Variants in ZNF536 observed in about 807,000 individuals in gnomAD.
ZNF536 encodes the protein zinc finger protein 536.
ZNF536 carries 13 observed loss-of-function variants against 84.5 expected under a neutral mutation model. That is an observed-to-expected ratio of 0.15 (90% CI 0.10 to 0.24). ZNF536 has a LOEUF of 0.24. Ranked by LOEUF, ZNF536 falls within the 10% of genes least tolerant of loss-of-function variation. The pLI is 1.00. For synonymous variants in ZNF536, 811 were observed against 742.5 expected, an observed-to-expected ratio of 1.09 and a Z score of -1.50; for missense variants, 1,536 against 1,747.5, an observed-to-expected ratio of 0.88 and a Z score of 2.16.
chr19:30,263,343 A>G (rs1164708048), intron 1 of ZNF536, among the ~76,000 whole-genome samples: 2 of 152,060 alleles, frequency 1.3e-5, no homozygotes, highest in Non-Finnish European at 2.9e-5. Context: ...GCCCCTACAG[A>G]AGCCACACTG....
At chr19:30,439,853 T>TTA (rs2051934738) in intron 1 of ZNF536, among the ~76,000 whole-genome samples, 1 of 152,068 alleles carries the variant, frequency 6.6e-6, no homozygotes, top group Non-Finnish European at 1.5e-5. Context: ...TCAGGGGTGG[T>TTA]CCAAGCCTGG....
intron 1 of ZNF536, among the ~76,000 whole-genome samples, chr19:30,257,759 C>T (rs73023626): frequency 0.021 from 3,168 of 152,310 alleles, 38 homozygotes; most frequent in Middle Eastern, 0.044. Context: ...GTAAGGCCAG[C>T]GTACCTTCAG....
chr19:30,646,696 C>T (rs936584913), intron 1 of ZNF536, among the ~76,000 whole-genome samples: 6 of 152,120 alleles, frequency 3.9e-5, no homozygotes, highest in Admixed American at 1.3e-4. Context: ...GTCGCAGTCT[C>T]GTAGTATTTG....
At chr19:30,594,058 G>C (rs1375198124) in intron 1 of ZNF536, among the ~76,000 whole-genome samples, 1 of 152,188 alleles carries the variant, frequency 6.6e-6, no homozygotes, top group Non-Finnish European at 1.5e-5. Context: ...GGGCTACCAA[G>C]AGCTGCACTG....
At chr19:30,496,508 T>G (rs2054725499) in intron 2 of ZNF536, among the ~76,000 whole-genome samples, 1 of 152,178 alleles carries the variant, frequency 6.6e-6, no homozygotes, top group Non-Finnish European at 1.5e-5. Context: ...AGCAGTGAGC[T>G]GAGATTTAAT....
intron 1 of ZNF536, among the ~76,000 whole-genome samples, chr19:30,413,457 T>C (rs2050581913): frequency 6.6e-6 from 1 of 152,208 alleles, no homozygotes; most frequent in South Asian, 2.1e-4. Flanking sequence ...GAACAGGTAT[T>C]TAATAAGATT....
intron 1 of ZNF536, among the ~76,000 whole-genome samples, chr19:30,432,453 G>A (rs2051516933): frequency 6.6e-6 from 1 of 152,076 alleles, no homozygotes; most frequent in African/African-American, 2.4e-5. Flanking sequence ...AGGTTTCCTG[G>A]AGCACGTGAA....
Position 30,573,174 on chromosome 19 carries a change from G to A in ZNF536, c.169+23660G>A, listed in dbSNP as rs546694210. On this transcript the variant is annotated intron_variant, in intron 1 of 1. Transcript: ENST00000592773. ...GAACAGGATTTCCAAGGTTTTTCCA[G>A]ATGTTGATATTTCATCCAAGCTTCT... is the stretch of plus-strand genomic sequence containing the variant. Among the ~76,000 whole-genome samples, 9 of 152,346 alleles carry A rather than the reference G, an allele frequency of 5.9e-5. 1 individual carries two copies. The highest frequency in any genetic ancestry group is 2.2e-4 in the African/African-American group (9 of 41,588).
intron 2 of ZNF536, among the ~76,000 whole-genome samples, chr19:30,471,855 T>G (rs2053648012): frequency 6.6e-6 from 1 of 152,254 alleles, no homozygotes; most frequent in Non-Finnish European, 1.5e-5. Flanking sequence ...GCTACTTTTA[T>G]TTTTAAGTTT....
chr19:30,431,823 A>G (rs1600703105), intron 1 of ZNF536, among the ~76,000 whole-genome samples: 1 of 152,178 alleles, frequency 6.6e-6, no homozygotes, highest in South Asian at 2.1e-4. Context: ...CCAGGAGCCA[A>G]GGCGGGTTAA....
intron 1 of ZNF536, among the ~76,000 whole-genome samples, chr19:30,619,553 AG>A (rs1411650033): frequency 6.6e-6 from 1 of 152,202 alleles, no homozygotes; most frequent in Non-Finnish European, 1.5e-5. Flanking sequence ...AAGTAGAAAG[AG>A]GAGACTTTTT....
chr19:30,305,866 C>T (rs926310433), intron 2 of ZNF536, among the ~76,000 whole-genome samples: 11 of 152,344 alleles, frequency 7.2e-5, no homozygotes, highest in African/African-American at 2.2e-4. Flanking sequence ...TGCCATCAGG[C>T]GCCCTGTCCT....
At position 30,540,490 on chromosome 19, in the gene ZNF536, G is replaced by A. The variant is rs369699535; in HGVS notation, c.2323+5491G>A. ...CACGTTCTATCCACGCCCATATGCA[G>A]GCTCTGTGCTAGACACTTTGCATTA... On this transcript the variant is annotated intron_variant, in intron 3 of 4. Coordinates refer to ENST00000355537, the MANE Select transcript of ZNF536 (RefSeq NM_014717.3). 5.9e-5 allele frequency among the ~76,000 whole-genome samples: 9 copies of A among 152,286 alleles called. No homozygotes were observed. The East Asian group carries it at 9.7e-4, about 16-fold the overall frequency.
intron 3 of ZNF536, among the ~76,000 whole-genome samples, chr19:30,362,388 G>C (rs1382295297): frequency 6.6e-6 from 1 of 152,200 alleles, no homozygotes; most frequent in Non-Finnish European, 1.5e-5. Flanking sequence ...GGTCCTCTAG[G>C]AGGCCACTTT....
chr19:30,354,629 G>A (rs766780475), intron 3 of ZNF536, among the ~76,000 whole-genome samples: 1 of 152,186 alleles, frequency 6.6e-6, no homozygotes, highest in African/African-American at 2.4e-5. Context: ...GCCACATAAA[G>A]GTAGGGAGAT....
At chr19:30,388,547 C>A (rs2049442596) in intron 1 of ZNF536, among the ~76,000 whole-genome samples, 1 of 152,152 alleles carries the variant, frequency 6.6e-6, no homozygotes. Flanking sequence ...AGGTGCAGAG[C>A]CCTCCACGAT....
intron 1 of ZNF536, among the ~76,000 whole-genome samples, chr19:30,648,047 G>C: frequency 6.6e-6 from 1 of 152,254 alleles, no homozygotes; most frequent in Middle Eastern, 3.4e-3. Flanking sequence ...GGGATGCATC[G>C]GTTCTCCTAT....
intron 1 of ZNF536, among the ~76,000 whole-genome samples, chr19:30,626,131 C>T (rs951807648): frequency 1.3e-5 from 2 of 152,116 alleles, no homozygotes; most frequent in African/African-American, 2.4e-5. Flanking sequence ...GGCAAGGAGC[C>T]GGGCAGGAGA....
intron 1 of ZNF536, among the ~76,000 whole-genome samples, chr19:30,249,259 A>G (rs560467121): frequency 6.6e-6 from 1 of 151,508 alleles, no homozygotes; most frequent in African/African-American, 2.4e-5. Flanking sequence ...TTGGAAATGA[A>G]TGGCTGCAAT....
Sources: gnomAD v4.1 joint callset for allele counts (sites outside exome capture counted in the v4.1 genomes callset) on GRCh38, gnomAD v4.1.1 for gene constraint, MANE v1.5 for transcripts, NCBI Gene and HGNC (gene_info 2026-07-23, HGNC 2026-07-21) for gene names.